RETSAT: variants seen among roughly 807,000 people sequenced by gnomAD.
The protein encoded by RETSAT is retinol saturase.
In RETSAT, 35 loss-of-function variants were observed where a neutral mutation model predicts 61.6. That is an observed-to-expected ratio of 0.57 (90% confidence interval 0.43 to 0.75). The LOEUF (loss-of-function observed/expected upper bound fraction) is 0.75, where lower values mean the gene tolerates loss of function less well. RETSAT is among the 30% of genes least tolerant of loss of function. The pLI, the probability that RETSAT is intolerant of heterozygous loss-of-function variation, is 0.00. For synonymous variants in RETSAT, 277 were observed against 310.4 expected (o/e 0.89, Z 1.13); for missense variants, 670 against 759.5 (o/e 0.88, Z 1.38).
intron 1 of RETSAT, 76 bp from the exon 2 acceptor site, chr2:85,351,938 A>C (rs1683306117): frequency 2.8e-6 from 4 of 1,417,744 alleles, no homozygotes; most frequent in Non-Finnish European, 3.9e-6. Flanking sequence ...ACCAAAGAAG[A>C]CTTCTCTAGC....
chr2:85,343,982 A>G lies in RETSAT; in HGVS notation c.1533+17T>C, dbSNP rs1407437622. 6 of 1,613,334 alleles carry G rather than the reference A, an allele frequency of 3.7e-6. No homozygotes were observed. In the African/African-American group the frequency reaches 4.0e-5, roughly 11 times the overall value. ...CACCGTGAGGTTCGTCACCACCCCAAATACTTTACCCCCTACCTTCCCCTC... is the reference window on the plus strand; with the variant it reads ...CACCGTGAGGTTCGTCACCACCCCAGATACTTTACCCCCTACCTTCCCCTC... On this transcript the variant is annotated intron_variant, in intron 9 of 10. Coordinates refer to ENST00000295802, the MANE Select transcript of RETSAT (RefSeq NM_017750.4).
chr2:85,343,950 G>GA, intron 9 of RETSAT, 49 bp downstream of exon 9: 1 of 1,605,282 alleles, frequency 6.2e-7, no homozygotes, highest in Non-Finnish European at 8.5e-7. Context: ...GGAAAGGGCA[G>GA]AAACAGCACC....
At chr2:85,346,880 C>A (rs1001519607) in intron 5 of RETSAT, among the ~76,000 whole-genome samples, 1 of 152,196 alleles carries the variant, frequency 6.6e-6, no homozygotes. Flanking sequence ...TTCTGTGTGT[C>A]CAGCTCCATC....
chr2:85,354,512 C>A lies in RETSAT; in HGVS notation c.-5G>T, dbSNP rs1452439723. 12 of 1,603,936 alleles carry A rather than the reference C, an allele frequency of 7.5e-6. No individual in the cohort carries two copies. Among genetic ancestry groups the A allele is most frequent in the Non-Finnish European group, 1.0e-5 (12 of 1,174,862 alleles). ...CAGCACCAGCGGAAGCCACATCACG[C>A]CGGCGTCGGGTCGGGTAAATGGGAC... On this transcript the variant is annotated 5_prime_UTR_variant, in exon 1 of 11. Transcript: ENST00000295802.
rs201313189 is a variant in RETSAT at position 85,350,833 on chromosome 2, C to T, written c.544G>A (p.Glu182Lys). 136 of 1,614,048 alleles carry T rather than the reference C, an allele frequency of 8.4e-5. No homozygotes were observed. The highest frequency in any genetic ancestry group is 5.0e-4 in the Admixed American group (30 of 60,004). The change falls in exon 3 of 11, where the codon GAG becomes AAG. Residue 182 changes from glutamate to lysine, a missense_variant. Physicochemically the swap from Glu to Lys is moderately conservative, Grantham distance 56. Coordinates refer to ENST00000295802, the MANE Select transcript of RETSAT (RefSeq NM_017750.4). Reference protein sequence around the residue: ...GEKAYIQGLKEKFPQEEAIID... With the variant: ...GEKAYIQGLKKKFPQEEAIID... ...ATAGCTTCCTCCTGTGGAAACTTCT[C>T]CTTGAGGCCCTGAATGTAGGCTTTC...
intron 7 of RETSAT, 86 bp from the exon 8 acceptor site, chr2:85,344,434 A>G: frequency 6.6e-7 from 1 of 1,524,088 alleles, no homozygotes; most frequent in Non-Finnish European, 9.0e-7. Context: ...ATCCCTAGGG[A>G]CTCCCCACAG....
chr2:85,350,923 G>C lies in RETSAT; in HGVS notation c.454C>G (p.Pro152Ala). The C allele has an allele frequency of 6.2e-7, 1 of 1,614,168 alleles. No homozygotes were observed. ...GQLDWAPLSSPFDIMVLEGPN... is the reference protein window; with the variant it reads ...GQLDWAPLSSAFDIMVLEGPN... ...CCTTCCAGTACCATGATGTCAAAAG[G>C]AGAGGACAGGGGAGCCCAGTCCAGC... The change falls in exon 3 of 11, where the codon CCT (proline) becomes GCT (alanine). Residue 152 changes from proline to alanine, a missense_variant. Transcript: ENST00000295802.
chr2:85,345,852 G>A (rs1341162851), intron 6 of RETSAT, 123 bp downstream of exon 6: 1 of 1,231,630 alleles, frequency 8.1e-7, no homozygotes, highest in Non-Finnish European at 1.2e-6. Flanking sequence ...TCACCTTGTT[G>A]CTTAAGGACA....
intron 5 of RETSAT, among the ~76,000 whole-genome samples, chr2:85,348,054 A>G (rs1015212273): frequency 2.0e-5 from 3 of 152,140 alleles, no homozygotes; most frequent in African/African-American, 7.2e-5. Flanking sequence ...TAGATGGCCT[A>G]TTCTGTTTAA....
intron 2 of RETSAT, 154 bp downstream of exon 2, chr2:85,351,526 G>T: frequency 1.4e-6 from 1 of 739,660 alleles, no homozygotes. Flanking sequence ...GTGATGAAGT[G>T]AGACTCTGTC....
chr2:85,343,858 C>T (rs188311136), intron 9 of RETSAT, 60 bp from the exon 10 acceptor site: 12 of 1,602,452 alleles, frequency 7.5e-6, no homozygotes, highest in South Asian at 5.5e-5. Context: ...CTCTTCCACT[C>T]TTTCCCATTC....
Position 85,350,914 on chromosome 2 carries a change from T to C in RETSAT, c.463A>G (p.Ile155Val). The stretch of plus-strand genomic sequence containing the variant: ...CCATTGGGCCCTTCCAGTACCATGA[T>C]GTCAAAAGGAGAGGACAGGGGAGCC... ...DWAPLSSPFD[I>V]MVLEGPNGRK... The change falls in exon 3 of 11, where the codon ATC (isoleucine) becomes GTC (valine). Residue 155 changes from isoleucine to valine, a missense_variant. By Grantham distance (29) the Ile-to-Val change is conservative. Coordinates refer to ENST00000295802, the MANE Select transcript of RETSAT (RefSeq NM_017750.4). 1.2e-6 allele frequency: 2 copies of C among 1,614,184 alleles called. No individual in the cohort carries two copies. Among genetic ancestry groups the C allele is most frequent in the South Asian group, 1.1e-5 (1 of 91,082 alleles).
intron 6 of RETSAT, 103 bp downstream of exon 6, chr2:85,345,872 C>A (rs1375411029): frequency 6.9e-7 from 1 of 1,450,206 alleles, no homozygotes; most frequent in African/African-American, 1.4e-5. Context: ...AATCAGAGGG[C>A]CGGCCAAGAA....
Position 85,342,881 on chromosome 2 carries a change from A to G in RETSAT, c.*361T>C, listed in dbSNP as rs529866159. The G allele has an allele frequency of 4.2e-6, 1 of 239,310 alleles. No individual in the cohort carries two copies. The highest frequency in any genetic ancestry group is 8.9e-5 in the East Asian group (1 of 11,292). 14.8% of individuals were successfully genotyped at this position (239,310 alleles called of 1,614,324 possible). ...GAACTGAACCCACCAGGTTGAGCTG[A>G]CAACACTGCCAGGGGTTCTATCCAC... is the stretch of plus-strand genomic sequence containing the variant. On this transcript the variant is annotated 3_prime_UTR_variant, in exon 11 of 11. Transcript: ENST00000295802.
rs765640807 is a variant in RETSAT, at chr2:85,351,850, T to C, written c.185A>G (p.Asn62Ser). The C allele has an allele frequency of 1.2e-6, 2 of 1,613,732 alleles. No individual in the cohort carries two copies. Among genetic ancestry groups the C allele is most frequent in the Admixed American group, 1.7e-5 (1 of 59,984 alleles). ...KKVLKQAFSA[N>S]QVPEKLDVVV... ...CACATCCAGCTTCTCCGGCACTTGGTTGGCTGAAAAAGCTACAGCAGAAGG... is the reference window on the plus strand; with the variant it reads ...CACATCCAGCTTCTCCGGCACTTGGCTGGCTGAAAAAGCTACAGCAGAAGG... Residue 62 changes from asparagine (N) to serine (S), a missense_variant, in exon 2 of 11, where the codon AAC becomes AGC. Transcript: ENST00000295802.
rs1683292225 is a variant in RETSAT at position 85,351,147 on chromosome 2, C to T, written c.356-126G>A. ...AAGTTCACGCCCAGAGTGAGCTGCT[C>T]ACTCTGTCTGTAGGGAGGTGTCACA... On this transcript the variant is annotated intron_variant, in intron 2 of 10. Transcript: ENST00000295802. The T allele has an allele frequency of 2.6e-6, 3 of 1,154,432 alleles. No individual in the cohort carries two copies. The African/African-American group carries it at 4.6e-5, about 18-fold the overall frequency. 71.5% of individuals were successfully genotyped at this position (1,154,432 alleles called of 1,614,324 possible).
chr2:85,346,177 C>T, intron 5 of RETSAT, 83 bp from the exon 6 acceptor site: 3 of 1,529,170 alleles, frequency 2.0e-6, no homozygotes, highest in Non-Finnish European at 2.6e-6. Context: ...TCTCTCTCTG[C>T]CTGTGCCCAT....
In RETSAT at chr2:85,351,711, G is replaced by A; in HGVS notation, c.324C>T (p.Thr108=). ...QHTKAGGCCH[T]FGKNGLEFDT... ...CAAATTCAAGGCCATTCTTTCCAAA[G>A]GTATGACAGCAGCCCCCTGCCTTGG... The change falls in exon 2 of 11, where the codon ACC becomes ACT. Residue 108 remains threonine (T), a synonymous_variant. Transcript: ENST00000295802. The A allele has an allele frequency of 1.2e-6, 2 of 1,614,132 alleles. No individual in the cohort carries two copies. The highest frequency in any genetic ancestry group is 1.7e-6 in the Non-Finnish European group (2 of 1,180,014).
chr2:85,347,527 C>T (rs1683222930), intron 5 of RETSAT, among the ~76,000 whole-genome samples: 1 of 151,530 alleles, frequency 6.6e-6, no homozygotes, highest in Non-Finnish European at 1.5e-5. Flanking sequence ...GCGCCTGGCC[C>T]TGGCTAATTT....
Sources: allele counts gnomAD v4.1 joint callset (sites outside exome capture counted in the v4.1 genomes callset), GRCh38; gene constraint gnomAD v4.1.1; transcripts MANE v1.5; gene names NCBI Gene and HGNC (gene_info 2026-07-23, HGNC 2026-07-21).